Variants in DEPDC1B observed in about 807,000 individuals in gnomAD.
The protein encoded by DEPDC1B is DEP domain-containing protein 1B.
A neutral mutation model predicts 66.5 loss-of-function variants in DEPDC1B; 51 were observed. That is an observed-to-expected ratio of 0.77 (90% CI 0.61 to 0.97). The LOEUF (loss-of-function observed/expected upper bound fraction) is 0.97, where lower values mean the gene tolerates loss of function less well. Ranked by LOEUF, DEPDC1B falls within the 50% of genes least tolerant of loss-of-function variation. The probability of loss-of-function intolerance (pLI) is 0.00; values close to 1 mark genes in which losing one functional copy is unlikely to be tolerated. For missense variants in DEPDC1B, 552 were observed against 637.1 expected (o/e 0.87, Z 1.44); for synonymous variants, 226 against 223.6 (o/e 1.01, Z -0.10).
intron 3 of DEPDC1B, among the ~76,000 whole-genome samples, chr5:60,647,143 C>G (rs985878504): frequency 2.0e-5 from 3 of 151,726 alleles, no homozygotes; most frequent in Non-Finnish European, 4.4e-5. Flanking sequence ...TCCATGAAAC[C>G]CATCGCTGGT....
At chr5:60,688,428 G>A (rs1343862836) in intron 1 of DEPDC1B, among the ~76,000 whole-genome samples, 4 of 152,112 alleles carry the variant, frequency 2.6e-5, no homozygotes, top group Non-Finnish European at 5.9e-5. Flanking sequence ...GACCAGCAGG[G>A]CAAACTGACT....
chr5:60,673,755 T>C (rs1184674689), intron 2 of DEPDC1B, among the ~76,000 whole-genome samples: 1 of 152,264 alleles, frequency 6.6e-6, no homozygotes, highest in East Asian at 1.9e-4. Flanking sequence ...AACTGATTAA[T>C]GCCTATATGA....
chr5:60,640,998 A>C (rs1451442159), intron 6 of DEPDC1B, among the ~76,000 whole-genome samples: 1 of 152,224 alleles, frequency 6.6e-6, no homozygotes, highest in Non-Finnish European at 1.5e-5. Context: ...ACATCTTTAC[A>C]GATATGCCAG....
intron 2 of DEPDC1B, among the ~76,000 whole-genome samples, chr5:60,662,554 C>T (rs779290612): frequency 3.9e-5 from 6 of 152,286 alleles, no homozygotes; most frequent in South Asian, 4.1e-4. Flanking sequence ...CTCAGGCAAG[C>T]GGACTTTGGA....
chr5:60,629,307 G>A (rs1752871672), intron 7 of DEPDC1B, among the ~76,000 whole-genome samples: 1 of 152,234 alleles, frequency 6.6e-6, no homozygotes, highest in African/African-American at 2.4e-5. Context: ...AAGAAATGTA[G>A]GATTTCACGT....
chr5:60,624,078 T>C (rs142396768), intron 7 of DEPDC1B, among the ~76,000 whole-genome samples: 3 of 152,256 alleles, frequency 2.0e-5, no homozygotes, highest in African/African-American at 4.8e-5. Flanking sequence ...TTTCTGACCA[T>C]AGGGGAAAGC....
chr5:60,643,135 G>A (rs1283578640), intron 5 of DEPDC1B, among the ~76,000 whole-genome samples: 1 of 151,910 alleles, frequency 6.6e-6, no homozygotes, highest in Non-Finnish European at 1.5e-5. Context: ...TGTATAGTTT[G>A]CTCCAAACAA....
intron 2 of DEPDC1B, among the ~76,000 whole-genome samples, chr5:60,656,672 C>A (rs966760756): frequency 6.6e-6 from 1 of 152,180 alleles, no homozygotes; most frequent in Non-Finnish European, 1.5e-5. Context: ...GCAAACGTGT[C>A]CTTCTTCACA....
intron 6 of DEPDC1B, among the ~76,000 whole-genome samples, chr5:60,639,180 A>C (rs1045646075): frequency 1.3e-5 from 2 of 152,218 alleles, no homozygotes; most frequent in African/African-American, 4.8e-5. Flanking sequence ...ACCTTTCTTT[A>C]AGAAAAAAAC....
intron 7 of DEPDC1B, among the ~76,000 whole-genome samples, chr5:60,616,801 T>A (rs1013732769): frequency 4.6e-5 from 7 of 152,006 alleles, no homozygotes; most frequent in African/African-American, 1.7e-4. Flanking sequence ...ACAAAGATAC[T>A]CCTCAAGAAG....
intron 10 of DEPDC1B, 87 bp downstream of exon 10, chr5:60,598,988 G>C: frequency 8.6e-7 from 1 of 1,161,628 alleles, no homozygotes; most frequent in East Asian, 2.6e-5. Context: ...CAGAAGATGA[G>C]ATTTACATGA....
intron 2 of DEPDC1B, among the ~76,000 whole-genome samples, chr5:60,673,007 C>A (rs1243499028): frequency 6.6e-6 from 1 of 152,146 alleles, no homozygotes; most frequent in African/African-American, 2.4e-5. Context: ...GGGCATTATG[C>A]TGGGTGTTGA....
chr5:60,687,044 T>C lies in DEPDC1B; in HGVS notation c.232A>G (p.Lys78Glu). 1.2e-6 allele frequency: 2 copies of C among 1,614,250 alleles called. No individual in the cohort carries two copies. Among genetic ancestry groups the C allele is most frequent in the Non-Finnish European group, 1.7e-6 (2 of 1,180,044 alleles). Residue 78 changes from lysine to glutamate, a missense_variant, in exon 2 of 11, where the codon AAA (lysine) becomes GAA (glutamate). Lys to Glu is a moderately conservative substitution (Grantham distance 56, BLOSUM62 1). Transcript: ENST00000265036. ...TCAATAACGTGATTCTTCAGGAATT[T>C]TTTTAGCAGCTGGACCGTTTGTTTG... Reference protein sequence around the residue: ...TRKQTVQLLKKFLKNHVIEDI... With the variant: ...TRKQTVQLLKEFLKNHVIEDI...
chr5:60,632,389 GC>G (rs1752946088), intron 7 of DEPDC1B, among the ~76,000 whole-genome samples: 1 of 152,228 alleles, frequency 6.6e-6, no homozygotes, highest in Non-Finnish European at 1.5e-5. Context: ...AAACTGAGCA[GC>G]AAGCCAGGCC....
intron 7 of DEPDC1B, among the ~76,000 whole-genome samples, chr5:60,632,627 A>C (rs1305063882): frequency 6.6e-6 from 1 of 152,280 alleles, no homozygotes; most frequent in Non-Finnish European, 1.5e-5. Context: ...TGCCCAGCAC[A>C]GGCCTTGCTT....
At chr5:60,673,349 T>C (rs1754088506) in intron 2 of DEPDC1B, among the ~76,000 whole-genome samples, 2 of 152,212 alleles carry the variant, frequency 1.3e-5, no homozygotes, top group South Asian at 4.1e-4. Context: ...CAAAAGTGTT[T>C]AGCACCATGC....
chr5:60,691,732 T>C (rs1754550900), intron 1 of DEPDC1B, among the ~76,000 whole-genome samples: 1 of 152,156 alleles, frequency 6.6e-6, no homozygotes, highest in Admixed American at 6.5e-5. Flanking sequence ...TAAACCTCAT[T>C]AATTATCAGT....
chr5:60,675,918 G>T (rs982567604), intron 2 of DEPDC1B, among the ~76,000 whole-genome samples: 1,444 of 123,906 alleles, frequency 0.012, 10 homozygotes, highest in African/African-American at 0.03. Flanking sequence ...TTTTTTTTTT[G>T]TTTTTTGTTT....
intron 2 of DEPDC1B, among the ~76,000 whole-genome samples, chr5:60,657,389 G>C (rs1753602280): frequency 6.6e-6 from 1 of 151,840 alleles, no homozygotes; most frequent in Admixed American, 6.6e-5. Context: ...CTGTTTTATA[G>C]GTCCTGTGAG....
Sources: allele counts gnomAD v4.1 joint callset (sites outside exome capture counted in the v4.1 genomes callset), GRCh38; gene constraint gnomAD v4.1.1; transcripts MANE v1.5; gene names NCBI Gene and HGNC (gene_info 2026-07-23, HGNC 2026-07-21).